Variants in KIF5B observed in about 807,000 individuals in gnomAD.
KIF5B encodes the protein kinesin family member 5B.
A neutral mutation model predicts 132.8 loss-of-function variants in KIF5B; 49 were observed. The observed-to-expected ratio is 0.37, with a 90% CI of 0.29 to 0.47. The LOEUF is 0.47. KIF5B is among the 20% of genes least tolerant of loss of function. KIF5B has a pLI of 1.00. For synonymous variants in KIF5B, 355 were observed against 369.4 expected, an observed-to-expected ratio of 0.96 and a Z score of 0.45; for missense variants, 780 against 1,144.0, an observed-to-expected ratio of 0.68 and a Z score of 4.59.
At chr10:32,017,627 A>G (rs1340134545) in intron 23 of KIF5B, among the ~76,000 whole-genome samples, 1 of 152,168 alleles carries the variant, frequency 6.6e-6, no homozygotes, top group African/African-American at 2.4e-5. Flanking sequence ...ACATTACAAG[A>G]TAGTGCTATG....
At position 32,022,858 on chromosome 10, in the gene KIF5B, C is replaced by T. The variant is rs369345488; in HGVS notation, c.1904G>A (p.Arg635His). 16 of 1,606,910 alleles carry T rather than the reference C, an allele frequency of 1.0e-5. No homozygotes were observed. The highest frequency in any genetic ancestry group is 4.5e-5 in the East Asian group (2 of 44,798). Residue 635 changes from arginine to histidine, a missense_variant, in exon 16 of 26, where the codon CGT (arginine) becomes CAT (histidine). Physicochemically the swap from Arg to His is conservative, Grantham distance 29 (BLOSUM62 0). Around this residue, in one of 9 missense-constraint regions of KIF5B, gnomAD observed 471 missense variants for 569.9 expected, o/e 0.83. Coordinates refer to ENST00000302418, the MANE Select transcript of KIF5B (RefSeq NM_004521.3). ...TGTTCTATAACATACTTGAGAGATA[C>T]GAAGCTGACATGCTGCTAACTCCTT... ...NEKELAACQL[R>H]ISQHEAKIKS...
chr10:32,032,466 G>C (rs1280544905), intron 13 of KIF5B, among the ~76,000 whole-genome samples: 5 of 152,050 alleles, frequency 3.3e-5, no homozygotes, highest in Non-Finnish European at 7.3e-5. Flanking sequence ...TCCAAAGTAA[G>C]TGACAAGAAG....
chr10:32,044,468 T>C (rs1400285344), intron 2 of KIF5B, among the ~76,000 whole-genome samples: 1 of 152,114 alleles, frequency 6.6e-6, no homozygotes. Context: ...GGTTGGCAGT[T>C]CAAGACCAGC....
chr10:32,012,533 T>C (rs1362486125), intron 25 of KIF5B, among the ~76,000 whole-genome samples: 2 of 152,244 alleles, frequency 1.3e-5, no homozygotes, highest in Admixed American at 6.5e-5. Flanking sequence ...TATAAGAGTT[T>C]GAAAACTAAG....
Position 32,015,964 on chromosome 10 carries a change from C to T in KIF5B, c.2762-305G>A, listed in dbSNP as rs573380579. ...TTCAAGACCAGACTAGGCAATAAGG[C>T]AAAACCCTGTCTCTACAGAATATAA... On this transcript the variant is annotated intron_variant, in intron 24 of 25. Transcript: ENST00000302418. Among the ~76,000 whole-genome samples the T allele has an allele frequency of 4.1e-4, 62 of 151,864 alleles. 1 individual carries two copies.
intron 14 of KIF5B, among the ~76,000 whole-genome samples, chr10:32,029,231 C>A (rs1254540366): frequency 1.2e-4 from 19 of 152,164 alleles, no homozygotes; most frequent in Non-Finnish European, 2.4e-4. Flanking sequence ...CATCCCCACT[C>A]CGAAGTGCTC....
chr10:32,047,178 C>T (rs2132614507), intron 2 of KIF5B, among the ~76,000 whole-genome samples: 1 of 152,274 alleles, frequency 6.6e-6, no homozygotes, highest in Middle Eastern at 3.4e-3. Context: ...AAGTCAGGGA[C>T]TGTCTGTATT....
In KIF5B at chr10:32,010,209, CT is replaced by C. The variant is rs1242962514; in HGVS notation, c.*1327del. ...TAACACAGTTGCAGTCACCGCCCCC[CT>C]ACCACTGATGAAGCAAATAGTGAAA... On this transcript the variant is annotated 3_prime_UTR_variant, in exon 26 of 26. Coordinates refer to ENST00000302418, the MANE Select transcript of KIF5B (RefSeq NM_004521.3). 1 of 152,116 alleles carries C rather than the reference CT, an allele frequency of 6.6e-6. No homozygotes were observed. Among genetic ancestry groups the C allele is most frequent in the Non-Finnish European group, 1.5e-5 (1 of 67,986 alleles). 9.4% of individuals were successfully genotyped at this position (152,116 alleles called of 1,614,324 possible). A position where few individuals can be genotyped will look rare whatever the true frequency, so the allele number is the denominator to read the frequency against.
At position 32,031,267 on chromosome 10, in the gene KIF5B, T is replaced by C. The variant is rs560751572; in HGVS notation, c.1387A>G (p.Thr463Ala). ...MLDQEELLASTRRDQDNMQAE... is the reference protein window; with the variant it reads ...MLDQEELLASARRDQDNMQAE... ...TGCATATTGTCTTGATCCCTTCTGG[T>C]AGATGCCAAAAGCTATAGGACAGAA... is the stretch of plus-strand genomic sequence containing the variant. The change falls in exon 14 of 26, where the codon ACC (threonine) becomes GCC (alanine). Residue 463 changes from threonine (T) to alanine (A), a missense_variant. Thr to Ala is a moderately conservative substitution (Grantham distance 58, BLOSUM62 0). Transcript: ENST00000302418. The C allele has an allele frequency of 3.1e-6, 5 of 1,613,594 alleles. No individual in the cohort carries two copies. The South Asian group carries it at 5.5e-5, about 18-fold the overall frequency.
chr10:32,045,777 T>C (rs970359748), intron 2 of KIF5B, among the ~76,000 whole-genome samples: 17 of 152,200 alleles, frequency 1.1e-4, no homozygotes, highest in African/African-American at 4.1e-4. Flanking sequence ...TCATGCACCA[T>C]CACTTGATAA....
chr10:32,052,854 C>T (rs746950788), intron 1 of KIF5B, among the ~76,000 whole-genome samples: 26 of 152,282 alleles, frequency 1.7e-4, no homozygotes, highest in Non-Finnish European at 2.8e-4. Flanking sequence ...GTACAGCATA[C>T]ACAGAAACAC....
In KIF5B at chr10:32,031,208, A is replaced by T. The variant is rs1391956964; in HGVS notation, c.1446T>A (p.Asp482Glu). The T allele has an allele frequency of 1.2e-6, 2 of 1,613,950 alleles. No homozygotes were observed. The highest frequency in any genetic ancestry group is 2.7e-5 in the African/African-American group (2 of 74,920). Residue 482 changes from aspartate (D) to glutamate (E), a missense_variant, in exon 14 of 26, where the codon GAT (aspartate) becomes GAA (glutamate). By Grantham distance (45) the Asp-to-Glu change is conservative. Around this residue, in one of 9 missense-constraint regions of KIF5B, gnomAD observed 471 missense variants for 569.9 expected, o/e 0.83. Transcript: ENST00000302418. The part of the protein sequence containing the change: ...AELNRLQAEN[D>E]ASKEEVKEVL... ...CTTCTTTCACTTCTTCTTTAGAGGC[A>T]TCATTTTCTGCTTGAAGGCGATTCA...
intron 2 of KIF5B, among the ~76,000 whole-genome samples, chr10:32,041,114 C>T (rs1375700411): frequency 5.4e-5 from 8 of 148,990 alleles, no homozygotes; most frequent in Admixed American, 4.0e-4. Context: ...CCACTGCACT[C>T]CAGCCTGGGT....
intron 1 of KIF5B, among the ~76,000 whole-genome samples, 179 bp downstream of exon 1, chr10:32,055,669 G>C (rs936063852): frequency 6.6e-6 from 1 of 152,164 alleles, no homozygotes; most frequent in Admixed American, 6.5e-5. Context: ...GGCGATCCAG[G>C]AACGCACGCG....
intron 12 of KIF5B, 68 bp downstream of exon 12, chr10:32,033,777 T>C: frequency 1.8e-6 from 2 of 1,083,800 alleles, no homozygotes; most frequent in East Asian, 2.5e-5. Flanking sequence ...TGAGAAAAGT[T>C]AGAAAATAAA....
chr10:32,044,783 A>T (rs905869731), intron 2 of KIF5B, among the ~76,000 whole-genome samples: 1 of 152,224 alleles, frequency 6.6e-6, no homozygotes, highest in Non-Finnish European at 1.5e-5. Flanking sequence ...GAAGAAATGG[A>T]GGCTTGGAAA....
At position 32,011,290 on chromosome 10, in the gene KIF5B, T is replaced by C. The variant is rs1341290651; in HGVS notation, c.*247A>G. On this transcript the variant is annotated 3_prime_UTR_variant, in exon 26 of 26. Transcript: ENST00000302418. Reference sequence around the variant, plus strand: ...TGTGTAATAAATAGGGCCACAGTTGTAAACTGTCCTTTTTCCCTCCTAAGA... The same window carrying C: ...TGTGTAATAAATAGGGCCACAGTTGCAAACTGTCCTTTTTCCCTCCTAAGA... 1 of 152,644 alleles carries C rather than the reference T, an allele frequency of 6.6e-6. No homozygotes were observed. Among genetic ancestry groups the C allele is most frequent in the Non-Finnish European group, 1.5e-5 (1 of 68,028 alleles). 9.5% of individuals were successfully genotyped at this position (152,644 alleles called of 1,614,324 possible). A position where few individuals can be genotyped will look rare whatever the true frequency, so the allele number is the denominator to read the frequency against.
At chr10:32,055,061 T>C (rs987782545) in intron 1 of KIF5B, among the ~76,000 whole-genome samples, 1 of 152,208 alleles carries the variant, frequency 6.6e-6, no homozygotes, top group African/African-American at 2.4e-5. Flanking sequence ...AAGTTAATAC[T>C]TTTTCCTAGG....
chr10:32,029,116 T>TA (rs1841366958), intron 14 of KIF5B, among the ~76,000 whole-genome samples: 1 of 152,170 alleles, frequency 6.6e-6, no homozygotes. Context: ...AAATCTCAAA[T>TA]CATAGCTGGC....
Sources: gnomAD v4.1 joint callset for allele counts (sites outside exome capture counted in the v4.1 genomes callset) on GRCh38, gnomAD v4.1.1 for gene constraint, gnomAD v4.1.1 regional missense constraint, MANE v1.5 for transcripts, NCBI Gene and HGNC (gene_info 2026-07-23, HGNC 2026-07-21) for gene names.